KSR2: variants seen among roughly 807,000 people sequenced by gnomAD.
The protein encoded by KSR2 is kinase suppressor of ras 2.
In KSR2, 25 loss-of-function variants were observed where a neutral mutation model predicts 107.8. That is an observed-to-expected ratio of 0.23 (90% CI 0.17 to 0.32). KSR2 has a LOEUF of 0.32. Among genes scored for constraint, KSR2 ranks in the 10% least tolerant of loss-of-function variants. KSR2 has a pLI of 1.00. For synonymous variants in KSR2, 480 were observed against 507.0 expected, an observed-to-expected ratio of 0.95 and a Z score of 0.71; for missense variants, 887 against 1,268.9, an observed-to-expected ratio of 0.70 and a Z score of 4.57.
intron 4 of KSR2, among the ~76,000 whole-genome samples, chr12:117,702,429 A>G (rs1886367531): frequency 6.6e-6 from 1 of 152,210 alleles, no homozygotes; most frequent in Non-Finnish European, 1.5e-5. Context: ...TGACTGTTGG[A>G]ATGAAAGGAA....
rs556888655 is a variant in KSR2, at chr12:117,673,239, A to G, written c.987-5581T>C. Among the ~76,000 whole-genome samples the G allele has an allele frequency of 2.0e-5, 3 of 152,242 alleles. No individual in the cohort carries two copies. The South Asian group carries it at 6.2e-4, about 32-fold the overall frequency. On this transcript the variant is annotated intron_variant, in intron 4 of 19. Transcript: ENST00000339824. ...AGATGAAAAGATGGATGGATAAAAG[A>G]ATGGAAAGAAGGAAGGAAGGGTGAA... is the stretch of plus-strand genomic sequence containing the variant.
chr12:117,898,082 C>G (rs1894568488), intron 1 of KSR2, among the ~76,000 whole-genome samples: 1 of 152,174 alleles, frequency 6.6e-6, no homozygotes, highest in Non-Finnish European at 1.5e-5. Flanking sequence ...TCCTGCCCAT[C>G]AACTACCTGC....
chr12:117,503,833 A>G lies in KSR2; in HGVS notation c.2220-18142T>C, dbSNP rs116114695. 8.1e-3 allele frequency among the ~76,000 whole-genome samples: 1,233 copies of G among 152,358 alleles called. 7 individuals carry two copies. The highest frequency in any genetic ancestry group is 0.023 in the African/African-American group (967 of 41,576). On this transcript the variant is annotated intron_variant, in intron 14 of 19. Transcript: ENST00000339824. ...TGAGAAAAGAAGACAGACAGGGACA[A>G]CAGCAAAATCAGCAAAAATAAGAGA...
intron 1 of KSR2, among the ~76,000 whole-genome samples, chr12:117,947,195 GA>G (rs57923959): frequency 0.35 from 27,900 of 80,584 alleles, 4,588 homozygotes; most frequent in African/African-American, 0.37. Flanking sequence ...AGAAAAGAAA[GA>G]AAAGAAAGAA....
chr12:117,527,205 A>C, intron 12 of KSR2, 86 bp from the exon 13 acceptor site: 1 of 964,400 alleles, frequency 1.0e-6, no homozygotes, highest in Non-Finnish European at 1.7e-6. Context: ...GAATCCCCAG[A>C]TCGGAGGTCT....
chr12:117,794,519 AC>A (rs1173338364), intron 3 of KSR2, among the ~76,000 whole-genome samples: 15 of 133,494 alleles, frequency 1.1e-4, no homozygotes, highest in African/African-American at 4.8e-4. Flanking sequence ...ATGCACACAC[AC>A]CAACATGCAC....
chr12:117,941,827 G>T, intron 1 of KSR2, among the ~76,000 whole-genome samples: 1 of 126,504 alleles, frequency 7.9e-6, no homozygotes, highest in East Asian at 2.3e-4. Context: ...AGTTTTAGTA[G>T]AGACGGAGTT....
chr12:117,518,165 AC>A (rs1450467846), intron 14 of KSR2, among the ~76,000 whole-genome samples: 7 of 152,158 alleles, frequency 4.6e-5, no homozygotes, highest in African/African-American at 1.4e-4. Flanking sequence ...GCAACAGTTA[AC>A]CTCACATAAC....
chr12:117,694,357 A>T (rs773303530), intron 4 of KSR2, among the ~76,000 whole-genome samples: 71 of 152,284 alleles, frequency 4.7e-4, no homozygotes, highest in Middle Eastern at 3.4e-3. Context: ...CCCCTGCACA[A>T]GCTCTCTCTT....
chr12:117,850,087 A>G (rs1185358036), intron 3 of KSR2, among the ~76,000 whole-genome samples: 2 of 152,238 alleles, frequency 1.3e-5, no homozygotes, highest in Non-Finnish European at 2.9e-5. Flanking sequence ...AGCTTCAAGG[A>G]ACCAATTATT....
At chr12:117,624,329 G>A (rs1307462922) in intron 5 of KSR2, among the ~76,000 whole-genome samples, 1 of 152,178 alleles carries the variant, frequency 6.6e-6, no homozygotes, top group Non-Finnish European at 1.5e-5. Flanking sequence ...TATTGCCTAG[G>A]TTTTCTTCTA....
intron 3 of KSR2, among the ~76,000 whole-genome samples, chr12:117,812,692 T>C (rs143487780): frequency 1.1e-4 from 17 of 152,090 alleles, no homozygotes; most frequent in African/African-American, 3.9e-4. Flanking sequence ...GTTCATAGAA[T>C]GGAAAAATTA....
chr12:117,750,537 C>T (rs566921344), intron 4 of KSR2, among the ~76,000 whole-genome samples: 3 of 152,164 alleles, frequency 2.0e-5, no homozygotes, highest in East Asian at 3.9e-4. Context: ...AGGAGGTACA[C>T]GTGCAGGTTT....
chr12:117,487,848 C>T (rs1872547630), intron 14 of KSR2, among the ~76,000 whole-genome samples: 1 of 152,170 alleles, frequency 6.6e-6, no homozygotes, highest in Non-Finnish European at 1.5e-5. Flanking sequence ...CGTATGACCT[C>T]AAGAGCTTCT....
chr12:117,959,517 A>G (rs1216137763), intron 1 of KSR2, among the ~76,000 whole-genome samples: 1 of 152,162 alleles, frequency 6.6e-6, no homozygotes, highest in Non-Finnish European at 1.5e-5. Context: ...GACTTCCACA[A>G]TAACTACCAA....
chr12:117,504,448 C>A (rs1873555314), intron 14 of KSR2, among the ~76,000 whole-genome samples: 1 of 152,178 alleles, frequency 6.6e-6, no homozygotes, highest in Non-Finnish European at 1.5e-5. Flanking sequence ...TTCCCTTAAT[C>A]TCTTAACTCC....
At chr12:117,744,587 A>G (rs1170965092) in intron 4 of KSR2, among the ~76,000 whole-genome samples, 3 of 152,202 alleles carry the variant, frequency 2.0e-5, no homozygotes, top group Non-Finnish European at 4.4e-5. Context: ...GCTAGCAGGA[A>G]GGGAAGGAAG....
rs182529872 is a variant in KSR2 at position 117,565,067 on chromosome 12, G to A, written c.1326-6494C>T. ...AATGGTCTCTTTCACAAGCAGCTCT[G>A]CTGTTTTCTTGAAAGATGTGTCATG... On this transcript the variant is annotated intron_variant, in intron 7 of 19. Transcript: ENST00000339824. 5.0e-3 allele frequency among the ~76,000 whole-genome samples: 761 copies of A among 152,270 alleles called. 6 individuals are homozygous for A. The highest frequency in any genetic ancestry group is 0.017 in the African/African-American group (702 of 41,550).
intron 17 of KSR2, among the ~76,000 whole-genome samples, chr12:117,474,206 A>G (rs959852269): frequency 5.9e-5 from 9 of 152,238 alleles, no homozygotes; most frequent in Admixed American, 4.6e-4. Flanking sequence ...ACTCCAGCAG[A>G]AAACCAATTA....
Sources: allele counts gnomAD v4.1 joint callset (sites outside exome capture counted in the v4.1 genomes callset), GRCh38; gene constraint gnomAD v4.1.1; transcripts MANE v1.5; gene names NCBI Gene and HGNC (gene_info 2026-07-23, HGNC 2026-07-21).